The following TMEM62 variants were observed in gnomAD, a reference collection of about 807,000 sequenced individuals.
TMEM62 encodes transmembrane protein 62.
In TMEM62, 41 loss-of-function variants were observed where a neutral mutation model predicts 70.4. The ratio of observed to expected loss-of-function variants is 0.58; its 90% CI spans 0.45 to 0.76. TMEM62 has a LOEUF of 0.76. Ranked by LOEUF, TMEM62 falls within the 30% of genes least tolerant of loss-of-function variation. The pLI is 0.00. For missense variants in TMEM62, 688 were observed against 788.5 expected (o/e 0.87, Z 1.53); for synonymous variants, 268 against 291.0 (o/e 0.92, Z 0.80).
chr15:43,162,433 C>CTTTTTTTTT (rs1169921008), intron 10 of TMEM62, among the ~76,000 whole-genome samples: 14 of 137,030 alleles, frequency 1.0e-4, no homozygotes, highest in African/African-American at 4.0e-4. Flanking sequence ...GCCCCTGGCC[C>CTTTTTTTTT]TTTTTTTTTT....
In TMEM62 at chr15:43,184,949, G is replaced by A; in HGVS notation, c.*363G>A. ...GGTTACCCCATGTAAAGCACTTACC[G>A]CTGTGCTTGGAATTCAGCAGCTGTC... is the stretch of plus-strand genomic sequence containing the variant. On this transcript the variant is annotated 3_prime_UTR_variant, in exon 14 of 14. Transcript: ENST00000260403. The A allele has an allele frequency of 3.6e-6, 1 of 276,652 alleles. No individual in the cohort carries two copies. The highest frequency in any genetic ancestry group is 6.9e-6 in the Non-Finnish European group (1 of 144,964). The allele number at this position is 276,652 out of a possible 1,614,324, so 17.1% of individuals were successfully genotyped here.
intron 11 of TMEM62, among the ~76,000 whole-genome samples, chr15:43,175,782 C>T (rs961674165): frequency 2.0e-5 from 3 of 152,192 alleles, no homozygotes; most frequent in African/African-American, 7.2e-5. Context: ...TTCTGCATTT[C>T]CATCTGAGGT....
rs1258676643 is a variant in TMEM62, at chr15:43,149,144, A to G, written c.859A>G (p.Asn287Asp). ...ACTTGAGGTGGGAGACTGGAAGGAT[A>G]ATAGGAGGTAAGGGAACCTCCCCAT... ...LELEVGDWKD[N>D]RRYRIFAFDH... is the part of the protein sequence containing the mutation. Residue 287 changes from asparagine (N) to aspartate (D), a missense_variant, in exon 7 of 14, where the codon AAT becomes GAT. Transcript: ENST00000260403. 1.2e-6 allele frequency: 2 copies of G among 1,613,900 alleles called. No individual in the cohort carries two copies. Among genetic ancestry groups the G allele is most frequent in the African/African-American group, 2.7e-5 (2 of 74,920 alleles).
rs113408382 is a variant in TMEM62, at chr15:43,134,154, C to T, written c.181-103C>T. On this transcript the variant is annotated intron_variant, in intron 1 of 13. Coordinates refer to ENST00000260403, the MANE Select transcript of TMEM62 (RefSeq NM_024956.4). ...TACCTGGGGGGTTCGTTATGCATTG[C>T]CTCTTTGCCTTTTCCTTCTGCCCGA... 37 of 1,450,658 alleles carry T rather than the reference C, an allele frequency of 2.6e-5. 1 individual carries two copies. Among genetic ancestry groups the T allele is most frequent in the African/African-American group, 2.0e-4 (14 of 71,722 alleles). The allele number at this position is 1,450,658 out of a possible 1,614,324, so 89.9% of individuals were successfully genotyped here.
chr15:43,148,955 G>T, intron 6 of TMEM62, 74 bp from the exon 7 acceptor site: 1 of 1,601,766 alleles, frequency 6.2e-7, no homozygotes, highest in Non-Finnish European at 8.5e-7. Flanking sequence ...CTGCTTTTCT[G>T]GCAAGACATT....
rs186450052 is a variant in TMEM62 at position 43,178,799 on chromosome 15, C to A, written c.1486+88C>A. On this transcript the variant is annotated intron_variant, in intron 12 of 13. Transcript: ENST00000260403. Reference sequence around the variant, plus strand: ...TAGAATTAGACTCTTGAGGGTATAACAAATGGCTCATGGATTCTTCATAAA... The same window carrying A: ...TAGAATTAGACTCTTGAGGGTATAAAAAATGGCTCATGGATTCTTCATAAA... 2.2e-5 allele frequency: 15 copies of A among 684,890 alleles called. No individual in the cohort carries two copies. In the South Asian group the frequency reaches 3.2e-4, roughly 15 times the overall value. 42.4% of individuals were successfully genotyped at this position (684,890 alleles called of 1,614,324 possible).
In TMEM62 at chr15:43,153,209, C is replaced by A. The variant is rs773430442; in HGVS notation, c.1022+1264C>A. On this transcript the variant is annotated intron_variant, in intron 8 of 13. Transcript: ENST00000260403. ...TTTATGACTGTTGATAAAAATTGCT[C>A]AATCCCTTTTTTTTTGGAGCTAAAA... 4.5e-4 allele frequency among the ~76,000 whole-genome samples: 69 copies of A among 152,088 alleles called. No homozygotes were observed. The Middle Eastern group carries it at 0.017, about 37-fold the overall frequency.
At position 43,133,843 on chromosome 15, in the gene TMEM62, C is replaced by T. The variant is rs1456366363; in HGVS notation, c.41C>T (p.Ala14Val). 12 of 1,458,384 alleles carry T rather than the reference C, an allele frequency of 8.2e-6. No homozygotes were observed. In the East Asian group the frequency reaches 2.1e-4, roughly 25 times the overall value. The allele number at this position is 1,458,384 out of a possible 1,614,324, so 90.3% of individuals were successfully genotyped here. A position where few individuals can be genotyped will look rare whatever the true frequency, so the allele number is the denominator to read the frequency against. Residue 14 changes from alanine (A) to valine (V), a missense_variant, in exon 1 of 14, where the codon GCG (alanine) becomes GTG (valine). Transcript: ENST00000260403. ...VLALRVVAGL[A>V]AAALVAMLLE... ...GCTCTCAGGGTGGTCGCGGGGTTGGCGGCCGCAGCGCTGGTGGCCATGCTC... is the reference window on the plus strand; with the variant it reads ...GCTCTCAGGGTGGTCGCGGGGTTGGTGGCCGCAGCGCTGGTGGCCATGCTC...
Position 43,134,280 on chromosome 15 carries a change from G to A in TMEM62, c.204G>A (p.Arg68=), listed in dbSNP as rs1445470397. The part of the protein sequence containing the change: ...GLQISDIHLS[R]FRDPGRAVDL... ...AGATATCCGACATTCACCTGAGCAG[G>A]TTTCGAGATCCAGGCAGAGCGGTAG... The change falls in exon 2 of 14, where the codon AGG becomes AGA. Residue 68 remains arginine (R), a synonymous_variant. Transcript: ENST00000260403. 13 of 1,614,170 alleles carry A rather than the reference G, an allele frequency of 8.1e-6. No individual in the cohort carries two copies. The highest frequency in any genetic ancestry group is 1.1e-5 in the Non-Finnish European group (13 of 1,180,038).
rs189253818 is a variant in TMEM62 at position 43,176,354 on chromosome 15, G to A, written c.1382-2253G>A. Among the ~76,000 whole-genome samples the A allele has an allele frequency of 9.0e-3, 1,378 of 152,324 alleles. 25 individuals carry two copies. The highest frequency in any genetic ancestry group is 0.032 in the African/African-American group (1,316 of 41,570). On this transcript the variant is annotated intron_variant, in intron 11 of 13. Coordinates refer to ENST00000260403, the MANE Select transcript of TMEM62 (RefSeq NM_024956.4). ...CAGTGGTTCTCCCAGCACGCAGCTGGAGATCTGAGAATGGGCAGACTGCCT... is the reference window on the plus strand; with the variant it reads ...CAGTGGTTCTCCCAGCACGCAGCTGAAGATCTGAGAATGGGCAGACTGCCT...
chr15:43,174,473 C>G (rs1277523283), intron 11 of TMEM62, among the ~76,000 whole-genome samples: 1 of 152,096 alleles, frequency 6.6e-6, no homozygotes, highest in Non-Finnish European at 1.5e-5. Flanking sequence ...TTTTCCTGAA[C>G]ATAATGTAAG....
chr15:43,160,677 C>G lies in TMEM62; in HGVS notation c.1183-4C>G, dbSNP rs201059179. 23 of 1,551,092 alleles carry G rather than the reference C, an allele frequency of 1.5e-5. No homozygotes were observed. In the African/African-American group the frequency reaches 3.1e-4, roughly 21 times the overall value. On this transcript the variant is annotated splice_polypyrimidine_tract_variant and splice_region_variant and intron_variant, in intron 9 of 13. Transcript: ENST00000260403. Reference sequence around the variant, plus strand: ...AGTTACTTTTCTTCTGTGGTTATTACTAGGATTCTGCTGGAAGAAGTAAGA... The same window carrying G: ...AGTTACTTTTCTTCTGTGGTTATTAGTAGGATTCTGCTGGAAGAAGTAAGA...
At chr15:43,162,842 T>C (rs1419559054) in intron 10 of TMEM62, among the ~76,000 whole-genome samples, 1 of 152,158 alleles carries the variant, frequency 6.6e-6, no homozygotes, top group Non-Finnish European at 1.5e-5. Flanking sequence ...ATCTCTCTAA[T>C]ATAGTTTCTT....
At chr15:43,164,656 A>G (rs1025509402) in intron 10 of TMEM62, among the ~76,000 whole-genome samples, 1 of 152,062 alleles carries the variant, frequency 6.6e-6, no homozygotes, top group African/African-American at 2.4e-5. Context: ...CACTGTGCCT[A>G]GACTTCTCAT....
intron 13 of TMEM62, among the ~76,000 whole-genome samples, chr15:43,183,673 G>A (rs1025917674): frequency 6.6e-6 from 1 of 150,376 alleles, no homozygotes; most frequent in African/African-American, 2.5e-5. Flanking sequence ...TCTTCTCCCT[G>A]TTAGAATGTA....
In TMEM62 at chr15:43,181,206, T is replaced by C. The variant is rs528421361; in HGVS notation, c.1512T>C (p.Ile504=). 2.1e-4 allele frequency: 333 copies of C among 1,613,902 alleles called. 5 individuals carry two copies. The South Asian group carries it at 3.4e-3, about 16-fold the overall frequency. Residue 504 remains isoleucine, a synonymous_variant, in exon 13 of 14, where the codon ATT becomes ATC. Coordinates refer to ENST00000260403, the MANE Select transcript of TMEM62 (RefSeq NM_024956.4). ...VLGPWFFGEI[I]DGKFGCCFSF... ...GTCCATGGTTTTTTGGTGAAATCATTGATGGCAAATTTGGTTGCTGCTTTT... is the reference window on the plus strand; with the variant it reads ...GTCCATGGTTTTTTGGTGAAATCATCGATGGCAAATTTGGTTGCTGCTTTT...
chr15:43,179,742 T>G, intron 12 of TMEM62: 1 of 152,382 alleles, frequency 6.6e-6, no homozygotes, highest in East Asian at 1.9e-4. Context: ...GTCTTTATTT[T>G]ACACTTTTAT....
intron 3 of TMEM62, 36 bp from the exon 4 acceptor site, chr15:43,138,538 G>A (rs779302993): frequency 9.5e-6 from 14 of 1,467,794 alleles, no homozygotes; most frequent in Non-Finnish European, 1.3e-5. Flanking sequence ...TTTTTAATGT[G>A]GATGAATGTT....
intron 9 of TMEM62, 23 bp from the exon 10 acceptor site, chr15:43,160,658 T>C (rs1160531228): frequency 2.2e-6 from 3 of 1,365,400 alleles, no homozygotes; most frequent in East Asian, 4.6e-5. Context: ...TGAAAGTTAC[T>C]TTTCTTCTGT....
Sources: allele counts gnomAD v4.1 joint callset (sites outside exome capture counted in the v4.1 genomes callset), GRCh38; gene constraint gnomAD v4.1.1; transcripts MANE v1.5; gene names NCBI Gene and HGNC (gene_info 2026-07-23, HGNC 2026-07-21).